Variants in KIAA0825 observed in about 807,000 individuals in gnomAD.
KIAA0825 encodes KIAA0825, also known as uncharacterized protein KIAA0825.
In KIAA0825, 119 loss-of-function variants were observed where a neutral mutation model predicts 147.6. The observed-to-expected ratio is 0.81, with a 90% CI of 0.69 to 0.94. KIAA0825 has a LOEUF of 0.94. Among genes scored for constraint, KIAA0825 ranks in the 40% least tolerant of loss-of-function variants. The pLI, the probability that KIAA0825 is intolerant of heterozygous loss-of-function variation, is 0.00. For synonymous variants in KIAA0825, 470 were observed against 518.1 expected (o/e 0.91, Z 1.26); for missense variants, 1,381 against 1,472.7 (o/e 0.94, Z 1.02).
At chr5:94,225,934 C>T (rs1774120912) in intron 20 of KIAA0825, among the ~76,000 whole-genome samples, 2 of 152,274 alleles carry the variant, frequency 1.3e-5, no homozygotes, top group South Asian at 4.1e-4. Context: ...TAGGCAATAC[C>T]ATTCAGGACA....
At chr5:94,486,339 AGAAG>A (rs980427948) in intron 5 of KIAA0825, among the ~76,000 whole-genome samples, 3 of 152,054 alleles carry the variant, frequency 2.0e-5, no homozygotes, top group Non-Finnish European at 4.4e-5. Flanking sequence ...CATGGATGGT[AGAAG>A]GAAGATTCCA....
intron 1 of KIAA0825, among the ~76,000 whole-genome samples, chr5:94,613,185 T>C (rs1789377156): frequency 6.6e-6 from 1 of 152,192 alleles, no homozygotes; most frequent in African/African-American, 2.4e-5. Context: ...GCACTAAAGT[T>C]TGACCTTGTC....
intron 20 of KIAA0825, among the ~76,000 whole-genome samples, chr5:94,212,293 GT>G (rs1353265924): frequency 1.3e-5 from 2 of 152,096 alleles, no homozygotes; most frequent in East Asian, 3.9e-4. Context: ...GTTTCATACA[GT>G]TTTGTTTATA....
At chr5:94,462,303 C>T (rs933322456) in intron 12 of KIAA0825, 84 bp downstream of exon 12, 1 of 741,514 alleles carries the variant, frequency 1.3e-6, no homozygotes, top group Non-Finnish European at 2.0e-6. Flanking sequence ...TGTAACTTCA[C>T]ATAATTCCAT....
chr5:94,419,000 C>G (rs371092269), intron 14 of KIAA0825, among the ~76,000 whole-genome samples: 1 of 152,036 alleles, frequency 6.6e-6, no homozygotes, highest in East Asian at 1.9e-4. Flanking sequence ...CCAACAGCCT[C>G]GCAAGTAGGT....
At chr5:94,411,123 T>C (rs541199345) in intron 15 of KIAA0825, among the ~76,000 whole-genome samples, 1 of 152,226 alleles carries the variant, frequency 6.6e-6, no homozygotes, top group South Asian at 2.1e-4. Context: ...TTATATCAGA[T>C]GCAAAGTGGT....
intron 6 of KIAA0825, among the ~76,000 whole-genome samples, chr5:94,480,508 C>T (rs1298318382): frequency 6.6e-6 from 1 of 152,014 alleles, no homozygotes; most frequent in African/African-American, 2.4e-5. Context: ...AAGGTATTTA[C>T]TTTGGAAAAA....
chr5:94,213,090 AG>A (rs1279460806), intron 20 of KIAA0825, among the ~76,000 whole-genome samples: 1 of 152,178 alleles, frequency 6.6e-6, no homozygotes, highest in Non-Finnish European at 1.5e-5. Context: ...CTCTAAGATA[AG>A]TAACTTGACC....
At chr5:94,205,300 T>TATATATATATATATATATATATATATA (rs1554242872) in intron 20 of KIAA0825, among the ~76,000 whole-genome samples, 1 of 133,940 alleles carries the variant, frequency 7.5e-6, no homozygotes, top group Non-Finnish European at 1.6e-5. Flanking sequence ...TATATATATA[T>TATATATATATATATATATATATATATA]TTTGTTTTGT....
chr5:94,182,808 A>G (rs1769784996), intron 20 of KIAA0825, among the ~76,000 whole-genome samples: 1 of 152,056 alleles, frequency 6.6e-6, no homozygotes, highest in Admixed American at 6.6e-5. Flanking sequence ...GCAGGACTGA[A>G]TCTATTATCT....
intron 20 of KIAA0825, among the ~76,000 whole-genome samples, chr5:94,264,304 A>G (rs1041692928): frequency 2.0e-5 from 3 of 152,200 alleles, no homozygotes; most frequent in Non-Finnish European, 2.9e-5. Flanking sequence ...TCAGTGGCCA[A>G]ACTTTAAGTT....
At chr5:94,263,138 A>C (rs1776582346) in intron 20 of KIAA0825, among the ~76,000 whole-genome samples, 1 of 152,162 alleles carries the variant, frequency 6.6e-6, no homozygotes, top group Non-Finnish European at 1.5e-5. Context: ...AGAAGTCTTG[A>C]AAGAAATATA....
chr5:94,565,095 CTTTT>C (rs1176429699), intron 2 of KIAA0825, among the ~76,000 whole-genome samples: 2 of 52,926 alleles, frequency 3.8e-5, no homozygotes, highest in Non-Finnish European at 3.7e-5. Flanking sequence ...TCTTGCTTTC[CTTTT>C]TTTTTTTTTT....
At chr5:94,242,905 G>A (rs959317162) in intron 20 of KIAA0825, among the ~76,000 whole-genome samples, 1 of 152,164 alleles carries the variant, frequency 6.6e-6, no homozygotes. Flanking sequence ...ACAGGTGTGA[G>A]CCACCTGCTT....
chr5:94,566,734 T>C (rs1584912307), intron 2 of KIAA0825, among the ~76,000 whole-genome samples: 1 of 152,260 alleles, frequency 6.6e-6, no homozygotes, highest in African/African-American at 2.4e-5. Context: ...GATTATAATA[T>C]TTTTAATTGA....
intron 2 of KIAA0825, among the ~76,000 whole-genome samples, chr5:94,563,597 A>G (rs968709296): frequency 2.6e-5 from 4 of 152,230 alleles, no homozygotes; most frequent in African/African-American, 9.6e-5. Context: ...TATAACAATG[A>G]CAATTGTATC....
intron 20 of KIAA0825, among the ~76,000 whole-genome samples, chr5:94,367,413 A>G (rs1746022058): frequency 6.6e-6 from 1 of 152,028 alleles, no homozygotes; most frequent in Non-Finnish European, 1.5e-5. Flanking sequence ...CAGGAGAATC[A>G]CTTGAACCTG....
At chr5:94,591,922 G>A (rs975692349) in intron 1 of KIAA0825, among the ~76,000 whole-genome samples, 1 of 152,124 alleles carries the variant, frequency 6.6e-6, no homozygotes, top group African/African-American at 2.4e-5. Flanking sequence ...GACTTATTTA[G>A]TATCATGAGA....
intron 5 of KIAA0825, among the ~76,000 whole-genome samples, chr5:94,509,757 T>A (rs1283671336): frequency 6.6e-6 from 1 of 152,212 alleles, no homozygotes; most frequent in Admixed American, 6.5e-5. Context: ...AACTATTAAA[T>A]CTTAAAGAGG....
Sources: allele counts gnomAD v4.1 joint callset (sites outside exome capture counted in the v4.1 genomes callset), GRCh38; gene constraint gnomAD v4.1.1; transcripts MANE v1.5; gene names NCBI Gene and HGNC (gene_info 2026-07-23, HGNC 2026-07-21).